The following AKAP12 variants were observed in gnomAD, a reference collection of about 807,000 sequenced individuals.
The protein encoded by AKAP12 is A-kinase anchor protein 12.
A neutral mutation model predicts 79.9 loss-of-function variants in AKAP12; 32 were observed. The observed-to-expected ratio is 0.40, with a 90% confidence interval of 0.30 to 0.54. AKAP12 has a LOEUF of 0.54. Among genes scored for constraint, AKAP12 ranks in the 20% least tolerant of loss-of-function variants. The pLI is 0.48. For missense variants in AKAP12, 2,074 were observed against 2,177.0 expected, an observed-to-expected ratio of 0.95 and a Z score of 0.94; for synonymous variants, 808 against 857.0, an observed-to-expected ratio of 0.94 and a Z score of 1.00.
intron 2 of AKAP12, among the ~76,000 whole-genome samples, chr6:151,276,183 A>G (rs1259917962): frequency 6.6e-6 from 1 of 152,132 alleles, no homozygotes; most frequent in African/African-American, 2.4e-5. Flanking sequence ...TCTTGTACTT[A>G]AATAAAAAAT....
At position 151,240,470 on chromosome 6, in the gene AKAP12, C is replaced by T; in HGVS notation, c.-93C>T. The T allele has an allele frequency of 2.3e-6, 3 of 1,289,822 alleles. No individual in the cohort carries two copies. In the South Asian group the frequency reaches 6.3e-5, roughly 27 times the overall value. The allele number at this position is 1,289,822 out of a possible 1,614,324, so 79.9% of individuals were successfully genotyped here. Reference sequence around the variant, plus strand: ...GCGAAGGAAGGCGCTCTCGGGACCTCGCGGGCGCGCGTCTTTTGGCTCTTG... The same window carrying T: ...GCGAAGGAAGGCGCTCTCGGGACCTTGCGGGCGCGCGTCTTTTGGCTCTTG... On this transcript the variant is annotated 5_prime_UTR_variant, in exon 2 of 5. Transcript: ENST00000402676.
rs756667134 is a variant in AKAP12, at chr6:151,352,065, C to T, written c.3674C>T (p.Ser1225Phe). Residue 1225 changes from serine to phenylalanine, a missense_variant, in exon 4 of 5, where the codon TCC (serine) becomes TTC (phenylalanine). Around this residue, in one of 3 missense-constraint regions of AKAP12, gnomAD observed 614 missense variants for 665.6 expected, o/e 0.92. Transcript: ENST00000402676. ...PAQKERPPAP[S>F]SFVFQEETKE... ...CAGAAAGAGAGGCCTCCAGCACCTTCCAGTTTTGTGTTCCAGGAAGAAACT... is the reference window on the plus strand; with the variant it reads ...CAGAAAGAGAGGCCTCCAGCACCTTTCAGTTTTGTGTTCCAGGAAGAAACT... The T allele has an allele frequency of 6.2e-7, 1 of 1,614,086 alleles. No individual in the cohort carries two copies. Among genetic ancestry groups the T allele is most frequent in the South Asian group, 1.1e-5 (1 of 91,082 alleles).
At chr6:151,327,142 T>A (rs922292780) in intron 3 of AKAP12, among the ~76,000 whole-genome samples, 1 of 148,442 alleles carries the variant, frequency 6.7e-6, no homozygotes, top group Non-Finnish European at 1.5e-5. Context: ...TTTAATCAAC[T>A]GTAGAATTTC....
rs1797294964 is a variant in AKAP12 at position 151,256,241 on chromosome 6, C to A, written c.162+15517C>A. ...AGCTTGGATTTTCCAGACTGCAGAA[C>A]TTTCCAGAACCCTTAATATGTTAAT... On this transcript the variant is annotated intron_variant, in intron 2 of 4. Transcript: ENST00000402676. Among the ~76,000 whole-genome samples the A allele has an allele frequency of 3.9e-5, 6 of 152,184 alleles. No individual in the cohort carries two copies. The South Asian group carries it at 1.2e-3, about 31-fold the overall frequency.
At chr6:151,297,756 T>C (rs1343611500) in intron 2 of AKAP12, among the ~76,000 whole-genome samples, 1 of 152,082 alleles carries the variant, frequency 6.6e-6, no homozygotes, top group Non-Finnish European at 1.5e-5. Flanking sequence ...CTAATTTTGT[T>C]GGATTCCCTT....
chr6:151,303,683 G>A (rs1327431064), intron 2 of AKAP12, among the ~76,000 whole-genome samples: 2 of 152,164 alleles, frequency 1.3e-5, no homozygotes, highest in African/African-American at 4.8e-5. Context: ...TAGCATGCAG[G>A]TCTGTACCAG....
At position 151,351,130 on chromosome 6, in the gene AKAP12, G is replaced by T. The variant is rs775350898; in HGVS notation, c.2739G>T (p.Trp913Cys). Residue 913 changes from tryptophan to cysteine, a missense_variant, in exon 4 of 5, where the codon TGG becomes TGT. By Grantham distance (215) the Trp-to-Cys change is radical (BLOSUM62 -2). This residue lies in a region of AKAP12 where 1,428 missense variants were observed against 1,451.0 expected (regional missense o/e 0.98). Coordinates refer to ENST00000402676, the MANE Select transcript of AKAP12 (RefSeq NM_005100.4). The surrounding 1 kb of genome is among the most constrained non-coding windows in gnomAD (Gnocchi z 4.4). ...ATIIEERSPS[W>C]ISASVTEPLE... is the part of the protein sequence containing the mutation. ...TTATTGAAGAAAGGTCTCCTTCTTG[G>T]ATATCTGCTTCAGTGACAGAACCTC... 2 of 1,614,226 alleles carry T rather than the reference G, an allele frequency of 1.2e-6. No homozygotes were observed. Among genetic ancestry groups the T allele is most frequent in the South Asian group, 2.2e-5 (2 of 91,088 alleles).
At chr6:151,296,854 C>A (rs1264447325) in intron 2 of AKAP12, among the ~76,000 whole-genome samples, 1 of 152,058 alleles carries the variant, frequency 6.6e-6, no homozygotes, top group African/African-American at 2.4e-5. Flanking sequence ...TGATCCAGTT[C>A]CCTCACAAAA....
intron 2 of AKAP12, among the ~76,000 whole-genome samples, chr6:151,273,101 G>A (rs927712359): frequency 9.2e-5 from 14 of 152,090 alleles, no homozygotes; most frequent in South Asian, 2.1e-4. Context: ...TAGAGATGGG[G>A]TTTCACCGTG....
rs565948132 is a variant in AKAP12, at chr6:151,324,317, T to C, written c.319+18414T>C. The C allele has an allele frequency of 3.0e-4, 298 of 985,378 alleles. 2 individuals carry two copies. In the African/African-American group the frequency reaches 4.3e-3, roughly 14 times the overall value. The allele number at this position is 985,378 out of a possible 1,614,324, so 61.0% of individuals were successfully genotyped here. ...AGGATGTGAAACGGAAGCCAGGCTT[T>C]TGGAGAGGCTGAAGCTGATTTTTGT... On this transcript the variant is annotated intron_variant, in intron 3 of 4. Coordinates refer to ENST00000402676, the MANE Select transcript of AKAP12 (RefSeq NM_005100.4).
rs577822115 is a variant in AKAP12, at chr6:151,317,653, A to G, written c.319+11750A>G. Among the ~76,000 whole-genome samples, 11 of 152,358 alleles carry G rather than the reference A, an allele frequency of 7.2e-5. No homozygotes were observed. The South Asian group carries it at 1.9e-3, about 26-fold the overall frequency. On this transcript the variant is annotated intron_variant, in intron 3 of 4. Transcript: ENST00000402676. ...ATACTGAAAGAATTGACTGGAGGAC[A>G]TGAGTCATTGATACTGAAGTATGTG...
At chr6:151,321,921 T>TTG (rs1777402207) in intron 3 of AKAP12, among the ~76,000 whole-genome samples, 1 of 148,292 alleles carries the variant, frequency 6.7e-6, no homozygotes, top group South Asian at 2.2e-4. Context: ...TTTTTTTTTT[T>TTG]TTTTTTTGAC....
chr6:151,275,751 C>G (rs114981380), intron 2 of AKAP12, among the ~76,000 whole-genome samples: 5,472 of 152,270 alleles, frequency 0.036, 109 homozygotes, highest in Middle Eastern at 0.071. Context: ...GGACCACCTG[C>G]GTATCATTTT....
chr6:151,334,499 G>T (rs905450686), intron 3 of AKAP12, among the ~76,000 whole-genome samples: 1 of 152,006 alleles, frequency 6.6e-6, no homozygotes, highest in Non-Finnish European at 1.5e-5. Flanking sequence ...GGAGGCTGAG[G>T]CAGGAGAATC....
At chr6:151,341,483 C>A (rs1777944471) in intron 3 of AKAP12, among the ~76,000 whole-genome samples, 1 of 152,180 alleles carries the variant, frequency 6.6e-6, no homozygotes, top group Non-Finnish European at 1.5e-5. Context: ...GTCCGCAGGA[C>A]CCCCGGGGGT....
At chr6:151,270,518 C>T (rs1377453613) in intron 2 of AKAP12, among the ~76,000 whole-genome samples, 7 of 152,270 alleles carry the variant, frequency 4.6e-5, no homozygotes, top group African/African-American at 1.4e-4. Context: ...TTTGCCTGAA[C>T]GTAAATGTTT....
chr6:151,297,203 T>A (rs1046975502), intron 2 of AKAP12, among the ~76,000 whole-genome samples: 2 of 145,268 alleles, frequency 1.4e-5, no homozygotes, highest in African/African-American at 4.9e-5. Flanking sequence ...TGTATGTGTA[T>A]GTGTGTGTGT....
intron 2 of AKAP12, among the ~76,000 whole-genome samples, chr6:151,256,092 G>A (rs1582836155): frequency 6.6e-6 from 1 of 152,168 alleles, no homozygotes; most frequent in South Asian, 2.1e-4. Flanking sequence ...AGAGAAATTT[G>A]TGCTGAGTCT....
intron 2 of AKAP12, among the ~76,000 whole-genome samples, chr6:151,283,025 C>T (rs745544866): frequency 3.9e-5 from 6 of 152,096 alleles, no homozygotes; most frequent in East Asian, 3.9e-4. Flanking sequence ...TCTTACTTCT[C>T]GGCCCAGGAC....
Sources: allele counts gnomAD v4.1 joint callset (sites outside exome capture counted in the v4.1 genomes callset), GRCh38; gene constraint gnomAD v4.1.1; regional missense constraint gnomAD v4.1.1; non-coding constraint Gnocchi (gnomAD v3.1); transcripts MANE v1.5; gene names NCBI Gene and HGNC (gene_info 2026-07-23, HGNC 2026-07-21).